The following AGBL4 variants were observed in gnomAD, a reference collection of about 807,000 sequenced individuals.
AGBL4 encodes the protein cytosolic carboxypeptidase 6.
Under a neutral mutation model 66.4 loss-of-function variants are expected in AGBL4, and 58 were observed. The observed-to-expected ratio is 0.87, with a 90% confidence interval of 0.71 to 1.09. The LOEUF (loss-of-function observed/expected upper bound fraction) is 1.09. Among genes scored for constraint, AGBL4 ranks in the 50% least tolerant of loss-of-function variants. The pLI, the probability that AGBL4 is intolerant of heterozygous loss-of-function variation, is 0.00. For synonymous variants in AGBL4, 234 were observed against 222.9 expected, an observed-to-expected ratio of 1.05 and a Z score of -0.44; for missense variants, 579 against 631.0, an observed-to-expected ratio of 0.92 and a Z score of 0.88.
chr1:48,586,885 A>G, intron 11 of AGBL4, 119 bp downstream of exon 11: 1 of 1,342,768 alleles, frequency 7.4e-7, no homozygotes, highest in Non-Finnish European at 1.0e-6. Context: ...AAGCACCTCC[A>G]TCCTCACCTG....
intron 6 of AGBL4, among the ~76,000 whole-genome samples, chr1:48,819,874 C>CT (rs1192751085): frequency 2.0e-5 from 3 of 152,166 alleles, no homozygotes; most frequent in Non-Finnish European, 2.9e-5. Context: ...CCTAAGAAAG[C>CT]TGATAGTAAC....
At chr1:49,573,682 G>A (rs1644378706) in intron 3 of AGBL4, among the ~76,000 whole-genome samples, 1 of 152,164 alleles carries the variant, frequency 6.6e-6, no homozygotes, top group African/African-American at 2.4e-5. Context: ...AGCTGAAACT[G>A]GAAAAACAGA....
intron 3 of AGBL4, among the ~76,000 whole-genome samples, chr1:49,579,107 G>A (rs1571092990): frequency 6.6e-6 from 1 of 152,160 alleles, no homozygotes; most frequent in African/African-American, 2.4e-5. Context: ...TGGACTCCAG[G>A]TTCTTCAGTT....
At chr1:49,210,902 T>C (rs1648614426) in intron 4 of AGBL4, among the ~76,000 whole-genome samples, 1 of 152,138 alleles carries the variant, frequency 6.6e-6, no homozygotes, top group Non-Finnish European at 1.5e-5. Context: ...TTTTTCACCC[T>C]GGATATGCTA....
At chr1:48,776,520 C>T in intron 6 of AGBL4, 5 of 1,001,446 alleles carry the variant, frequency 5.0e-6, no homozygotes, top group Non-Finnish European at 6.8e-6. Context: ...TGGCTCCCCC[C>T]GGTCCCCTCC....
intron 3 of AGBL4, among the ~76,000 whole-genome samples, chr1:49,528,100 G>A (rs1251649042): frequency 1.3e-5 from 2 of 152,036 alleles, no homozygotes; most frequent in Non-Finnish European, 2.9e-5. Flanking sequence ...GAAGTATGAC[G>A]TTTGGGATTT....
At chr1:49,677,271 C>T (rs917447152) in intron 3 of AGBL4, among the ~76,000 whole-genome samples, 1 of 152,016 alleles carries the variant, frequency 6.6e-6, no homozygotes, top group South Asian at 2.1e-4. Context: ...AATCTCTAAC[C>T]TATGCAGGAA....
At chr1:49,143,522 G>A (rs1318345314) in intron 4 of AGBL4, among the ~76,000 whole-genome samples, 2 of 152,142 alleles carry the variant, frequency 1.3e-5, no homozygotes, top group African/African-American at 2.4e-5. Context: ...CTTCTGGACT[G>A]TGAGTTCCGT....
At chr1:49,425,304 G>A (rs1196438947) in intron 3 of AGBL4, among the ~76,000 whole-genome samples, 1 of 152,000 alleles carries the variant, frequency 6.6e-6, no homozygotes, top group Non-Finnish European at 1.5e-5. Context: ...GACCAAATTG[G>A]CTTTTTATTC....
intron 3 of AGBL4, among the ~76,000 whole-genome samples, chr1:49,400,049 G>T (rs1481069967): frequency 6.6e-6 from 1 of 152,008 alleles, no homozygotes; most frequent in African/African-American, 2.4e-5. Context: ...CACCATATAT[G>T]ATGAGACTGG....
intron 3 of AGBL4, among the ~76,000 whole-genome samples, chr1:49,665,820 T>C (rs904830987): frequency 6.6e-6 from 1 of 151,986 alleles, no homozygotes; most frequent in African/African-American, 2.4e-5. Flanking sequence ...AAAATTTTGC[T>C]TTTTGGTTTT....
intron 4 of AGBL4, among the ~76,000 whole-genome samples, chr1:49,146,278 G>A (rs1290628100): frequency 6.6e-6 from 1 of 152,104 alleles, no homozygotes; most frequent in Non-Finnish European, 1.5e-5. Flanking sequence ...TAACACCAAG[G>A]ATAAATGCTT....
chr1:49,808,931 G>A (rs996778155), intron 2 of AGBL4, among the ~76,000 whole-genome samples: 3 of 152,024 alleles, frequency 2.0e-5, no homozygotes, highest in South Asian at 2.1e-4. Context: ...AACATGCAGC[G>A]ATAATATATG....
intron 5 of AGBL4, among the ~76,000 whole-genome samples, chr1:49,030,316 T>A (rs1329630863): frequency 6.6e-6 from 1 of 152,116 alleles, no homozygotes; most frequent in Admixed American, 6.6e-5. Flanking sequence ...CATGTGGATA[T>A]AACAAGACAG....
At chr1:49,327,129 A>T (rs1645243204) in intron 3 of AGBL4, among the ~76,000 whole-genome samples, 1 of 152,132 alleles carries the variant, frequency 6.6e-6, no homozygotes. Flanking sequence ...TGATTATATT[A>T]GGCCCACTTG....
intron 5 of AGBL4, among the ~76,000 whole-genome samples, chr1:49,003,020 G>A (rs572082578): frequency 7.2e-5 from 11 of 152,272 alleles, no homozygotes; most frequent in Admixed American, 2.0e-4. Context: ...ATATTTTTCT[G>A]TCACAGAAGA....
intron 6 of AGBL4, among the ~76,000 whole-genome samples, chr1:48,718,464 C>T (rs1647088815): frequency 6.6e-6 from 1 of 152,214 alleles, no homozygotes; most frequent in Non-Finnish European, 1.5e-5. Flanking sequence ...TTTAAAGACC[C>T]ACTGGAAAAA....
At chr1:49,567,543 ATAT>A (rs964190027) in intron 3 of AGBL4, among the ~76,000 whole-genome samples, 32 of 152,272 alleles carry the variant, frequency 2.1e-4, no homozygotes, top group South Asian at 1.2e-3. Context: ...ATTTTTAAAA[ATAT>A]TATTATGATT....
At chr1:49,018,590 T>G (rs1309639811) in intron 5 of AGBL4, among the ~76,000 whole-genome samples, 1 of 152,212 alleles carries the variant, frequency 6.6e-6, no homozygotes, top group Non-Finnish European at 1.5e-5. Flanking sequence ...CACACATTTG[T>G]CAGACATTTC....
Sources: allele counts gnomAD v4.1 joint callset (sites outside exome capture counted in the v4.1 genomes callset), GRCh38; gene constraint gnomAD v4.1.1; transcripts MANE v1.5; gene names NCBI Gene and HGNC (gene_info 2026-07-23, HGNC 2026-07-21).